Variants in C8orf34 observed in about 807,000 individuals in gnomAD.
C8orf34 encodes the protein uncharacterized protein C8orf34.
In C8orf34, 65 loss-of-function variants were observed where a neutral mutation model predicts 68.3. The observed-to-expected ratio is 0.95, with a 90% CI of 0.78 to 1.17. The LOEUF is 1.17. Ranked by LOEUF, C8orf34 falls within the 50% of genes most tolerant of loss-of-function variation. The pLI is 0.00. For synonymous variants in C8orf34, 244 were observed against 241.2 expected, an observed-to-expected ratio of 1.01 and a Z score of -0.11; for missense variants, 664 against 655.4, an observed-to-expected ratio of 1.01 and a Z score of -0.14.
chr8:68,341,058 C>T (rs913353119), intron 1 of C8orf34, among the ~76,000 whole-genome samples: 2 of 152,188 alleles, frequency 1.3e-5, no homozygotes, highest in East Asian at 3.8e-4. Flanking sequence ...AATGAAAATA[C>T]CATAAATTAG....
At chr8:68,650,488 T>C (rs1265530508) in intron 8 of C8orf34, among the ~76,000 whole-genome samples, 2 of 149,056 alleles carry the variant, frequency 1.3e-5, no homozygotes, top group Non-Finnish European at 3.0e-5. Flanking sequence ...TTTTTTTTTT[T>C]TTTTTTTTTG....
intron 10 of C8orf34, among the ~76,000 whole-genome samples, chr8:68,723,759 C>A (rs1214924831): frequency 6.6e-6 from 1 of 152,058 alleles, no homozygotes; most frequent in African/African-American, 2.4e-5. Flanking sequence ...CAAGATATAT[C>A]CTGTCTTTAG....
At chr8:68,726,849 C>T (rs1821844781) in intron 10 of C8orf34, among the ~76,000 whole-genome samples, 1 of 72,798 alleles carries the variant, frequency 1.4e-5, no homozygotes, top group Non-Finnish European at 3.0e-5. Context: ...GATTCAATAA[C>T]CTCCCCCGGG....
chr8:68,481,987 G>A (rs1486402396), intron 4 of C8orf34, among the ~76,000 whole-genome samples: 2 of 152,126 alleles, frequency 1.3e-5, no homozygotes, highest in East Asian at 3.9e-4. Flanking sequence ...GAGGGGCCAG[G>A]GAAGGATTGA....
intron 1 of C8orf34, among the ~76,000 whole-genome samples, chr8:68,348,875 A>G (rs974043787): frequency 2.0e-5 from 3 of 151,988 alleles, no homozygotes; most frequent in African/African-American, 4.8e-5. Flanking sequence ...GGCTGAGATT[A>G]TGGCATTTTA....
At chr8:68,431,989 C>T (rs141159519) in intron 1 of C8orf34, among the ~76,000 whole-genome samples, 121 of 152,078 alleles carry the variant, frequency 8.0e-4, no homozygotes, top group African/African-American at 2.7e-3. Flanking sequence ...ATATGATAAA[C>T]GTAATTTTAC....
At chr8:68,705,787 A>C (rs1298949753) in intron 8 of C8orf34, among the ~76,000 whole-genome samples, 1 of 151,930 alleles carries the variant, frequency 6.6e-6, no homozygotes, top group Non-Finnish European at 1.5e-5. Context: ...GTGGGAAATG[A>C]TAGTGGGAAA....
chr8:68,601,081 C>G (rs1224797069), intron 7 of C8orf34, among the ~76,000 whole-genome samples: 1 of 152,152 alleles, frequency 6.6e-6, no homozygotes, highest in East Asian at 1.9e-4. Flanking sequence ...AAATGTATGT[C>G]CCATTCTTCT....
rs1255437569 is a variant in C8orf34 at position 68,744,778 on chromosome 8, G to A, written c.1404+23341G>A. Among the ~76,000 whole-genome samples, 149 of 152,288 alleles carry A rather than the reference G, an allele frequency of 9.8e-4. 1 individual carries two copies. In the East Asian group the frequency reaches 0.026, roughly 27 times the overall value. On this transcript the variant is annotated intron_variant, in intron 10 of 13. Coordinates refer to ENST00000518698, the MANE Select transcript of C8orf34 (RefSeq NM_052958.4). ...TCTGATTGGTGTACCTGAAAGTGAC[G>A]GGGAGAATGGAATCAAGTTGGAAAA...
At chr8:68,349,854 T>C (rs1196825048) in intron 1 of C8orf34, among the ~76,000 whole-genome samples, 1 of 151,864 alleles carries the variant, frequency 6.6e-6, no homozygotes, top group Non-Finnish European at 1.5e-5. Context: ...TTCTCTCTTT[T>C]CTTCTTCATT....
intron 12 of C8orf34, among the ~76,000 whole-genome samples, chr8:68,808,596 A>G (rs565856676): frequency 2.0e-5 from 3 of 151,434 alleles, no homozygotes; most frequent in East Asian, 1.9e-4. Context: ...AAACATTTGC[A>G]TAACATTTAT....
chr8:68,722,125 G>T (rs1246624356), intron 10 of C8orf34, among the ~76,000 whole-genome samples: 2 of 152,026 alleles, frequency 1.3e-5, no homozygotes, highest in Non-Finnish European at 2.9e-5. Context: ...TGTGGAGGCA[G>T]AAATCAAAGA....
chr8:68,698,230 G>C (rs1287593684), intron 8 of C8orf34, among the ~76,000 whole-genome samples: 2 of 151,792 alleles, frequency 1.3e-5, no homozygotes, highest in African/African-American at 4.8e-5. Flanking sequence ...TCTTTCTCTG[G>C]TACAAAGTAA....
At chr8:68,536,708 A>G (rs1815491814) in intron 7 of C8orf34, among the ~76,000 whole-genome samples, 1 of 152,142 alleles carries the variant, frequency 6.6e-6, no homozygotes, top group Non-Finnish European at 1.5e-5. Flanking sequence ...ATGCTTTCTC[A>G]GAATTGATGA....
intron 8 of C8orf34, among the ~76,000 whole-genome samples, chr8:68,693,424 T>C (rs1418358507): frequency 6.6e-6 from 1 of 152,094 alleles, no homozygotes; most frequent in Admixed American, 6.6e-5. Flanking sequence ...GACAATTTCT[T>C]TACCTTCCTT....
chr8:68,792,710 AAT>A (rs1282649220), intron 12 of C8orf34: 1 of 151,952 alleles, frequency 6.6e-6, no homozygotes, highest in Non-Finnish European at 1.5e-5. Flanking sequence ...CAAGTAAAAA[AAT>A]AGTTACTGAA....
chr8:68,524,534 A>C (rs1814896400), intron 6 of C8orf34, among the ~76,000 whole-genome samples: 1 of 152,214 alleles, frequency 6.6e-6, no homozygotes, highest in East Asian at 1.9e-4. Flanking sequence ...AGAGTGCTTA[A>C]GAAAGAAATT....
At chr8:68,371,242 C>G (rs1379860592) in intron 1 of C8orf34, among the ~76,000 whole-genome samples, 2 of 152,148 alleles carry the variant, frequency 1.3e-5, no homozygotes, top group Non-Finnish European at 2.9e-5. Context: ...ATTTGGGAAG[C>G]CTGTGAATTC....
chr8:68,776,342 C>A, intron 10 of C8orf34, 57 bp from the exon 11 acceptor site: 2 of 1,337,074 alleles, frequency 1.5e-6, no homozygotes, highest in Non-Finnish European at 2.1e-6. Flanking sequence ...ACGATTCTTT[C>A]ATTCTTTTTC....
Sources: allele counts gnomAD v4.1 joint callset (sites outside exome capture counted in the v4.1 genomes callset), GRCh38; gene constraint gnomAD v4.1.1; transcripts MANE v1.5; gene names NCBI Gene and HGNC (gene_info 2026-07-23, HGNC 2026-07-21).